NRXN1: variants seen among roughly 807,000 people sequenced by gnomAD.
NRXN1 encodes neurexin 1.
NRXN1 carries 39 observed loss-of-function variants against 150.9 expected under a neutral mutation model. The observed-to-expected ratio is 0.26, with a 90% CI of 0.20 to 0.34. The LOEUF (loss-of-function observed/expected upper bound fraction) is 0.34. Ranked by LOEUF, NRXN1 falls within the 10% of genes least tolerant of loss-of-function variation. The probability of loss-of-function intolerance (pLI) is 1.00; values close to 1 mark genes in which losing one functional copy is unlikely to be tolerated. For missense variants in NRXN1, 1,815 were observed against 1,949.9 expected (o/e 0.93, Z 1.30); for synonymous variants, 924 against 757.0 (o/e 1.22, Z -3.62).
At chr2:50,527,534 C>T (rs902621369) in intron 12 of NRXN1, among the ~76,000 whole-genome samples, 2 of 151,924 alleles carry the variant, frequency 1.3e-5, no homozygotes, top group African/African-American at 4.8e-5. Context: ...TTTTATTGGT[C>T]TGATTGAACA....
In NRXN1 at chr2:50,346,955, G is replaced by A. The variant is rs1290332388; in HGVS notation, c.3365-109985C>T. 13 of 1,368,034 alleles carry A rather than the reference G, an allele frequency of 9.5e-6. No homozygotes were observed. The highest frequency in any genetic ancestry group is 4.7e-5 in the African/African-American group (3 of 64,300). The allele number at this position is 1,368,034 out of a possible 1,614,324, so 84.7% of individuals were successfully genotyped here. A position where few individuals can be genotyped will look rare whatever the true frequency, so the allele number is the denominator to read the frequency against. On this transcript the variant is annotated intron_variant, in intron 17 of 22. Transcript: ENST00000401669. The surrounding 1 kb of genome is among the most constrained non-coding windows in gnomAD (Gnocchi z 5.0). ...CGGAGCATCCTCTGGTACATGGCGG[G>A]GCGCCCGCCGAGGGGCAGCCGCCGC...
At chr2:50,746,669 C>T (rs945311960) in intron 5 of NRXN1, among the ~76,000 whole-genome samples, 1 of 152,160 alleles carries the variant, frequency 6.6e-6, no homozygotes, top group Non-Finnish European at 1.5e-5. Flanking sequence ...AGACTGGGGG[C>T]TGCTTTTCCC....
chr2:50,081,478 G>A (rs2152684462), intron 19 of NRXN1, among the ~76,000 whole-genome samples: 1 of 152,288 alleles, frequency 6.6e-6, no homozygotes, highest in African/African-American at 2.4e-5. Context: ...TTTGAACCCA[G>A]GAAGTGGAGG....
At chr2:50,821,734 C>T (rs1229079626) in intron 5 of NRXN1, among the ~76,000 whole-genome samples, 2 of 151,884 alleles carry the variant, frequency 1.3e-5, no homozygotes, top group African/African-American at 4.8e-5. Flanking sequence ...GCACATTGCA[C>T]ACGTGAAAAA....
intron 21 of NRXN1, among the ~76,000 whole-genome samples, chr2:50,016,859 A>G (rs1332224438): frequency 1.3e-5 from 2 of 152,162 alleles, no homozygotes; most frequent in African/African-American, 2.4e-5. Flanking sequence ...ACGTTCCAAG[A>G]CATTCTACAA....
At chr2:50,538,099 T>A (rs1020702149) in intron 10 of NRXN1, among the ~76,000 whole-genome samples, 154 bp downstream of exon 10, 7 of 152,194 alleles carry the variant, frequency 4.6e-5, no homozygotes, top group Non-Finnish European at 7.4e-5. Flanking sequence ...AAGAGCTCAT[T>A]AGTAATCCAT....
intron 21 of NRXN1, among the ~76,000 whole-genome samples, chr2:49,965,504 G>A (rs1676811107): frequency 1.3e-5 from 2 of 150,458 alleles, no homozygotes; most frequent in Admixed American, 6.6e-5. Context: ...CTGACCTCAG[G>A]CGATCCACCC....
chr2:50,852,920 T>C (rs918575525), intron 5 of NRXN1, among the ~76,000 whole-genome samples: 1 of 152,190 alleles, frequency 6.6e-6, no homozygotes, highest in African/African-American at 2.4e-5. Context: ...AAGGATATCA[T>C]GAAAGGCTTT....
At chr2:50,402,241 A>G (rs1443406890) in intron 17 of NRXN1, among the ~76,000 whole-genome samples, 1 of 152,118 alleles carries the variant, frequency 6.6e-6, no homozygotes, top group Non-Finnish European at 1.5e-5. Context: ...CCACTAATTT[A>G]ATACATCCAT....
intron 21 of NRXN1, among the ~76,000 whole-genome samples, chr2:49,982,381 C>T (rs1285076822): frequency 6.6e-6 from 1 of 151,868 alleles, no homozygotes; most frequent in African/African-American, 2.4e-5. Context: ...ATCTTTTCAG[C>T]TGGAGGGCTT....
At chr2:49,986,002 G>A (rs1281796110) in intron 21 of NRXN1, among the ~76,000 whole-genome samples, 2 of 152,134 alleles carry the variant, frequency 1.3e-5, no homozygotes, top group African/African-American at 2.4e-5. Flanking sequence ...TCCTTTCTGT[G>A]AAGAAAATGC....
intron 21 of NRXN1, chr2:49,945,154 T>C (rs1027189102): frequency 6.6e-6 from 1 of 152,206 alleles, no homozygotes; most frequent in African/African-American, 2.4e-5. Context: ...ACTCTGCTCT[T>C]ACTTCTTCTG....
chr2:50,205,057 C>A (rs1357559024), intron 18 of NRXN1, among the ~76,000 whole-genome samples: 4 of 151,894 alleles, frequency 2.6e-5, no homozygotes, highest in Admixed American at 1.3e-4. Context: ...CAGTCCCACA[C>A]AAAGACAAGA....
At chr2:50,141,278 C>T (rs1707236352) in intron 18 of NRXN1, among the ~76,000 whole-genome samples, 2 of 151,874 alleles carry the variant, frequency 1.3e-5, no homozygotes, top group South Asian at 4.2e-4. Context: ...TACATTAGAT[C>T]CCTATCTCTC....
intron 17 of NRXN1, among the ~76,000 whole-genome samples, chr2:50,459,095 A>G (rs922768727): frequency 3.9e-5 from 6 of 152,236 alleles, no homozygotes; most frequent in Admixed American, 3.9e-4. Context: ...ACAGCAACAA[A>G]GTATAGAAAC....
At chr2:50,614,090 G>A (rs1034497444) in intron 8 of NRXN1, among the ~76,000 whole-genome samples, 1 of 152,088 alleles carries the variant, frequency 6.6e-6, no homozygotes, top group Non-Finnish European at 1.5e-5. Flanking sequence ...AGGCATATGG[G>A]AAGGTCAATG....
intron 17 of NRXN1, among the ~76,000 whole-genome samples, chr2:50,434,324 C>T (rs1031996232): frequency 1.3e-5 from 2 of 151,888 alleles, no homozygotes; most frequent in Non-Finnish European, 1.5e-5. Flanking sequence ...CCTCGTGATC[C>T]GCCTACCTCG....
intron 17 of NRXN1, among the ~76,000 whole-genome samples, chr2:50,381,252 G>A (rs760576745): frequency 5.9e-5 from 9 of 151,980 alleles, no homozygotes; most frequent in Non-Finnish European, 1.2e-4. Flanking sequence ...CCTTCTCTGT[G>A]TCAGTGAAAT....
intron 17 of NRXN1, among the ~76,000 whole-genome samples, chr2:50,296,531 T>TATTATTATTATTATTATTATTATC (rs2073589118): frequency 2.7e-5 from 4 of 149,822 alleles, no homozygotes; most frequent in Admixed American, 6.6e-5. Flanking sequence ...TTATTATTAT[T>TATTATTATTATTATTATTATTATC]ATTATCATTA....
Sources: allele counts gnomAD v4.1 joint callset (sites outside exome capture counted in the v4.1 genomes callset), GRCh38; gene constraint gnomAD v4.1.1; non-coding constraint Gnocchi (gnomAD v3.1); transcripts MANE v1.5; gene names NCBI Gene and HGNC (gene_info 2026-07-23, HGNC 2026-07-21).